Variants in SNX14 observed in about 807,000 individuals in gnomAD.
SNX14 encodes the protein sorting nexin 14, also known as sorting nexin-14.
In SNX14, 93 loss-of-function variants were observed where a neutral mutation model predicts 133.8. The observed-to-expected ratio is 0.70, with a 90% CI of 0.59 to 0.83. SNX14 has a LOEUF of 0.83. Among genes scored for constraint, SNX14 ranks in the 40% least tolerant of loss-of-function variants. The pLI is 0.00. For missense variants in SNX14, 945 were observed against 1,094.9 expected, an observed-to-expected ratio of 0.86 and a Z score of 1.93; for synonymous variants, 368 against 365.6, an observed-to-expected ratio of 1.01 and a Z score of -0.07.
intron 21 of SNX14, among the ~76,000 whole-genome samples, chr6:85,525,526 G>C (rs1323723923): frequency 1.3e-5 from 2 of 152,090 alleles, no homozygotes; most frequent in African/African-American, 4.8e-5. Flanking sequence ...TTCATGTACA[G>C]AAGTACCATG....
At chr6:85,544,133 C>A (rs527471461) in intron 12 of SNX14, among the ~76,000 whole-genome samples, 5 of 151,862 alleles carry the variant, frequency 3.3e-5, no homozygotes, top group African/African-American at 1.2e-4. Context: ...TTTTTTTAGT[C>A]CCAATCAATG....
chr6:85,543,111 A>T, intron 14 of SNX14, 71 bp downstream of exon 14: 1 of 1,321,194 alleles, frequency 7.6e-7, no homozygotes, highest in South Asian at 1.9e-5. Flanking sequence ...TGAATCACTC[A>T]TCTAATGATA....
At chr6:85,533,519 G>A (rs1780915816) in intron 18 of SNX14, 80 bp downstream of exon 18, 5 of 1,358,840 alleles carry the variant, frequency 3.7e-6, no homozygotes, top group African/African-American at 2.9e-5. Flanking sequence ...AGTTAGAAGT[G>A]GCAAAATGTT....
chr6:85,514,389 T>C (rs550082819), intron 24 of SNX14, 117 bp downstream of exon 24: 12 of 1,438,802 alleles, frequency 8.3e-6, no homozygotes, highest in African/African-American at 1.4e-5. Flanking sequence ...TGAATTATTA[T>C]AAAAGGTATC....
intron 12 of SNX14, among the ~76,000 whole-genome samples, chr6:85,545,238 AAAAG>A (rs1353198178): frequency 6.6e-6 from 1 of 152,236 alleles, no homozygotes. Flanking sequence ...GCAAAGGAGA[AAAAG>A]AAAGGCAAAG....
chr6:85,520,468 C>A (rs944159223), intron 21 of SNX14, among the ~76,000 whole-genome samples: 1 of 151,836 alleles, frequency 6.6e-6, no homozygotes, highest in Admixed American at 6.6e-5. Context: ...AGCAATTCTC[C>A]TGCCTCAGCC....
intron 26 of SNX14, among the ~76,000 whole-genome samples, chr6:85,511,955 T>C (rs1205461075): frequency 6.6e-6 from 1 of 152,026 alleles, no homozygotes; most frequent in African/African-American, 2.4e-5. Context: ...GAGGAAGGGT[T>C]CTATAGTCCT....
chr6:85,567,072 G>T (rs191439437), intron 5 of SNX14, among the ~76,000 whole-genome samples: 2 of 152,016 alleles, frequency 1.3e-5, no homozygotes, highest in East Asian at 3.9e-4. Flanking sequence ...CCCTCCAAAA[G>T]GTACAATTAT....
chr6:85,530,291 A>T lies in SNX14; in HGVS notation c.1811-16T>A, dbSNP rs1488389078. On this transcript the variant is annotated splice_polypyrimidine_tract_variant and intron_variant, in intron 18 of 28. Transcript: ENST00000314673. Reference sequence around the variant, plus strand: ...TCGTGTCCAACTGTAAATTGAGTACACACACACTGAGTAACAAATAATTTC... The same window carrying T: ...TCGTGTCCAACTGTAAATTGAGTACTCACACACTGAGTAACAAATAATTTC... The T allele has an allele frequency of 1.4e-6, 2 of 1,457,334 alleles. No homozygotes were observed. The highest frequency in any genetic ancestry group is 1.2e-5 in the South Asian group (1 of 82,002). 90.3% of individuals were successfully genotyped at this position (1,457,334 alleles called of 1,614,324 possible).
chr6:85,522,856 T>C (rs561109461), intron 21 of SNX14, among the ~76,000 whole-genome samples: 1 of 152,318 alleles, frequency 6.6e-6, no homozygotes, highest in South Asian at 2.1e-4. Flanking sequence ...GCTGATTCCC[T>C]CTTTCATGCC....
rs891791518 is a variant in SNX14 at position 85,519,174 on chromosome 6, CT to C, written c.2108-1127del. Among the ~76,000 whole-genome samples the C allele has an allele frequency of 4.6e-5, 7 of 152,138 alleles. No homozygotes were observed. The East Asian group carries it at 7.7e-4, about 17-fold the overall frequency. On this transcript the variant is annotated intron_variant, in intron 21 of 28. Coordinates refer to ENST00000314673, the MANE Select transcript of SNX14 (RefSeq NM_153816.6). ...TATATAACCAAATATTTTGTCCTCA[CT>C]TTTTTCCCCCAATAAAAAGATACAC...
At chr6:85,565,516 A>G (rs1793533623) in intron 5 of SNX14, 97 bp from the exon 6 acceptor site, 2 of 753,110 alleles carry the variant, frequency 2.7e-6, no homozygotes, top group Non-Finnish European at 4.3e-6. Context: ...CTGTTTACTT[A>G]AGCTACTTTC....
chr6:85,533,517 G>A (rs1780915005), intron 18 of SNX14, 82 bp downstream of exon 18: 2 of 1,331,554 alleles, frequency 1.5e-6, no homozygotes, highest in African/African-American at 2.9e-5. Context: ...TTAGTTAGAA[G>A]TGGCAAAATG....
At position 85,572,369 on chromosome 6, in the gene SNX14, T is replaced by C; in HGVS notation, c.267A>G (p.Leu89=). 6.2e-7 allele frequency: 1 copy of C among 1,610,940 alleles called. No homozygotes were observed. The highest frequency in any genetic ancestry group is 8.5e-7 in the Non-Finnish European group (1 of 1,179,006). The part of the protein sequence containing the change: ...FFTIKYKPKQ[L]GLQELFPQGH... ...CTTGAGGAAATAATTCCTGAAGTCC[T>C]AACTGCTAAAAAAGGAAAATGAGAG... Residue 89 remains leucine, a synonymous_variant, in exon 3 of 29, where the codon TTA becomes TTG. Transcript: ENST00000314673.
At chr6:85,520,448 C>G (rs886798617) in intron 21 of SNX14, among the ~76,000 whole-genome samples, 1 of 151,668 alleles carries the variant, frequency 6.6e-6, no homozygotes, top group Non-Finnish European at 1.5e-5. Context: ...ACCTCCACTT[C>G]CCAGGTTCAA....
intron 26 of SNX14, among the ~76,000 whole-genome samples, chr6:85,509,455 T>C (rs563761220): frequency 1.3e-5 from 2 of 152,040 alleles, no homozygotes; most frequent in East Asian, 3.9e-4. Flanking sequence ...AGCAGAACTA[T>C]TCTAAGGCTA....
intron 1 of SNX14, chr6:85,588,821 C>A (rs1801876788): frequency 2.2e-6 from 1 of 452,416 alleles, no homozygotes; most frequent in Non-Finnish European, 4.4e-6. Context: ...GAGAAAACAA[C>A]ATGCTATTAA....
chr6:85,511,852 T>C (rs1055247769), intron 26 of SNX14, among the ~76,000 whole-genome samples: 9 of 152,228 alleles, frequency 5.9e-5, no homozygotes, highest in African/African-American at 1.9e-4. Context: ...ATATGTCTTG[T>C]AATTTTTTTC....
Position 85,505,658 on chromosome 6 carries a change from T to A in SNX14, c.*309A>T, listed in dbSNP as rs1218896334. 9.9e-6 allele frequency: 3 copies of A among 304,402 alleles called. No individual in the cohort carries two copies. The highest frequency in any genetic ancestry group is 1.8e-5 in the Non-Finnish European group (3 of 166,300). The allele number at this position is 304,402 out of a possible 1,614,324, so 18.9% of individuals were successfully genotyped here. On this transcript the variant is annotated 3_prime_UTR_variant, in exon 29 of 29. Coordinates refer to ENST00000314673, the MANE Select transcript of SNX14 (RefSeq NM_153816.6). ...CTAGGCATAATTATTTTCAAAGCTA[T>A]ACAATACGAAGTTTATCAGTCTTAT...
Sources: allele counts gnomAD v4.1 joint callset (sites outside exome capture counted in the v4.1 genomes callset), GRCh38; gene constraint gnomAD v4.1.1; transcripts MANE v1.5; gene names NCBI Gene and HGNC (gene_info 2026-07-23, HGNC 2026-07-21).